Variants in ICA1 observed in about 807,000 individuals in gnomAD.
ICA1 encodes 69 kDa islet cell autoantigen.
ICA1 carries 40 observed loss-of-function variants against 71.0 expected under a neutral mutation model. That is an observed-to-expected ratio of 0.56 (90% CI 0.44 to 0.73). The LOEUF is 0.73. Among genes scored for constraint, ICA1 ranks in the 30% least tolerant of loss-of-function variants. ICA1 has a pLI of 0.00. For synonymous variants in ICA1, 207 were observed against 209.5 expected, an observed-to-expected ratio of 0.99 and a Z score of 0.10; for missense variants, 578 against 576.5, an observed-to-expected ratio of 1.00 and a Z score of -0.03.
rs544673774 is a variant in ICA1 at position 8,242,092 on chromosome 7, C to T, written c.-79-6087G>A. On this transcript the variant is annotated intron_variant, in intron 1 of 13. Coordinates refer to ENST00000402384, the MANE Select transcript of ICA1 (RefSeq NM_001136020.3). ...TAATAGACATCTACAGAACTCTCCA[C>T]CCCAAATCAACAGAATATACATTCT... 2.8e-4 allele frequency among the ~76,000 whole-genome samples: 42 copies of T among 152,304 alleles called. No homozygotes were observed. In the South Asian group the frequency reaches 8.3e-3, roughly 30 times the overall value.
intron 6 of ICA1, among the ~76,000 whole-genome samples, chr7:8,169,316 T>A (rs975407243): frequency 6.6e-6 from 1 of 152,148 alleles, no homozygotes; most frequent in African/African-American, 2.4e-5. Context: ...GTAAAGCTGT[T>A]ATAAATATTT....
chr7:8,201,538 C>T (rs957856647), intron 6 of ICA1, among the ~76,000 whole-genome samples: 5 of 152,120 alleles, frequency 3.3e-5, no homozygotes, highest in African/African-American at 9.7e-5. Context: ...GCTGCCCCAC[C>T]GCCTGTTTGG....
At position 8,141,362 on chromosome 7, in the gene ICA1, C is replaced by A. The variant is rs147479161; in HGVS notation, c.955+403G>T. 1.6e-4 allele frequency among the ~76,000 whole-genome samples: 25 copies of A among 152,352 alleles called. No individual in the cohort carries two copies. In the East Asian group the frequency reaches 4.6e-3, roughly 28 times the overall value. On this transcript the variant is annotated intron_variant, in intron 10 of 13. Coordinates refer to ENST00000402384, the MANE Select transcript of ICA1 (RefSeq NM_001136020.3). ...ATCTGTTTCCAACATTGACAAACAT[C>A]CACCCGCCCCACACATACCGCAAAT...
chr7:8,157,235 GC>G (rs1350745798), intron 7 of ICA1, 21 bp from the exon 8 acceptor site: 1 of 1,576,786 alleles, frequency 6.3e-7, no homozygotes, highest in East Asian at 2.2e-5. Flanking sequence ...AGACAGTAAA[GC>G]TATTAATGTT....
intron 12 of ICA1, among the ~76,000 whole-genome samples, chr7:8,129,455 G>T (rs749105765): frequency 3.9e-5 from 6 of 152,090 alleles, no homozygotes; most frequent in African/African-American, 1.4e-4. Flanking sequence ...AAAGATGAAG[G>T]GGATTTCTGA....
rs1462448169 is a variant in ICA1 at position 8,173,659 on chromosome 7, T to C, written c.580-15007A>G. On this transcript the variant is annotated intron_variant, in intron 6 of 13. Transcript: ENST00000402384. The surrounding 1 kb of genome is among the most constrained non-coding windows in gnomAD (Gnocchi z 4.0). Reference sequence around the variant, plus strand: ...AAGAAGGAATATAATCTGTTTCCAGTAGCAGGCCTGTCTTTCCAAGGTACT... The same window carrying C: ...AAGAAGGAATATAATCTGTTTCCAGCAGCAGGCCTGTCTTTCCAAGGTACT... 6.6e-6 allele frequency among the ~76,000 whole-genome samples: 1 copy of C among 152,212 alleles called. No homozygotes were observed. Among genetic ancestry groups the C allele is most frequent in the Non-Finnish European group, 1.5e-5 (1 of 68,024 alleles).
At chr7:8,122,367 A>G (rs1217191662) in intron 13 of ICA1, among the ~76,000 whole-genome samples, 1 of 152,252 alleles carries the variant, frequency 6.6e-6, no homozygotes, top group Non-Finnish European at 1.5e-5. Context: ...AACAACTGCA[A>G]CAACTAAGCA....
chr7:8,134,051 T>C (rs921791174), intron 12 of ICA1, among the ~76,000 whole-genome samples: 1 of 152,114 alleles, frequency 6.6e-6, no homozygotes, highest in Non-Finnish European at 1.5e-5. Context: ...TCAGAACCTA[T>C]TAAGGATCTC....
rs891310982 is a variant in ICA1, at chr7:8,130,615, G to C, written c.1061-2473C>G. ...AAGTCAATGTGTAGACCCTGGAGGA[G>C]CAGATAATTTCAAATGCACCTTGGA... On this transcript the variant is annotated intron_variant, in intron 12 of 13. Transcript: ENST00000402384. This position sits in a 1 kb window ranked among gnomAD's most constrained non-coding sequence, Gnocchi z 4.2. Among the ~76,000 whole-genome samples, 1 of 152,078 alleles carries C rather than the reference G, an allele frequency of 6.6e-6. No homozygotes were observed. Among genetic ancestry groups the C allele is most frequent in the African/African-American group, 2.4e-5 (1 of 41,386 alleles).
chr7:8,135,938 GA>G (rs1338717905), intron 12 of ICA1, among the ~76,000 whole-genome samples: 9 of 152,058 alleles, frequency 5.9e-5, no homozygotes, highest in African/African-American at 2.2e-4. Context: ...CCAATTTTGG[GA>G]AACACAAAGA....
chr7:8,134,459 C>T (rs780616709), intron 12 of ICA1, among the ~76,000 whole-genome samples: 3 of 152,132 alleles, frequency 2.0e-5, no homozygotes, highest in Non-Finnish European at 4.4e-5. Flanking sequence ...AAAACGAGAG[C>T]ACAGAAAAGC....
chr7:8,136,790 G>A (rs1320771885), intron 12 of ICA1, among the ~76,000 whole-genome samples: 1 of 152,204 alleles, frequency 6.6e-6, no homozygotes, highest in Non-Finnish European at 1.5e-5. Flanking sequence ...AAAAAAGGGG[G>A]TATGGACTGC....
At position 8,123,534 on chromosome 7, in the gene ICA1, G is replaced by A. The variant is rs1005851916; in HGVS notation, c.1330+4339C>T. On this transcript the variant is annotated intron_variant, in intron 13 of 13. Transcript: ENST00000402384. This position sits in a 1 kb window ranked among gnomAD's most constrained non-coding sequence, Gnocchi z 4.1. ...GGAAAACCTGAGATGCAGCAGGAGT[G>A]TGCCAGAGCGAATGTAGCTGCTGGC... Among the ~76,000 whole-genome samples the A allele has an allele frequency of 1.3e-5, 2 of 152,214 alleles. No individual in the cohort carries two copies. The highest frequency in any genetic ancestry group is 2.4e-5 in the African/African-American group (1 of 41,448).
chr7:8,171,088 T>C (rs554591861), intron 6 of ICA1, among the ~76,000 whole-genome samples: 1 of 152,068 alleles, frequency 6.6e-6, no homozygotes, highest in East Asian at 1.9e-4. Context: ...ATGAAGGACA[T>C]TAGCTTGTAG....
At chr7:8,232,034 T>G (rs1800425772) in intron 3 of ICA1, among the ~76,000 whole-genome samples, 1 of 152,214 alleles carries the variant, frequency 6.6e-6, no homozygotes, top group Non-Finnish European at 1.5e-5. Context: ...TAATCTAAAC[T>G]ATTGGCAGAA....
chr7:8,260,377 C>A (rs1440909316), intron 1 of ICA1, among the ~76,000 whole-genome samples: 1 of 152,090 alleles, frequency 6.6e-6, no homozygotes, highest in Non-Finnish European at 1.5e-5. Context: ...TCAGGTGTTC[C>A]AAATGGGGGA....
At chr7:8,204,649 A>G (rs1790880891) in intron 6 of ICA1, among the ~76,000 whole-genome samples, 1 of 152,230 alleles carries the variant, frequency 6.6e-6, no homozygotes, top group Non-Finnish European at 1.5e-5. Flanking sequence ...TGGAGTTTAA[A>G]TATCTGCTGT....
chr7:8,219,651 T>C (rs942807776), intron 5 of ICA1, among the ~76,000 whole-genome samples: 1 of 152,264 alleles, frequency 6.6e-6, no homozygotes, highest in Admixed American at 6.5e-5. Flanking sequence ...TGTTGTGCCA[T>C]AAAGTAAGCT....
chr7:8,229,922 G>A (rs531931838), intron 3 of ICA1, among the ~76,000 whole-genome samples: 1 of 152,288 alleles, frequency 6.6e-6, no homozygotes, highest in African/African-American at 2.4e-5. Flanking sequence ...CCTGAATATA[G>A]GAGCAAGGAC....
Sources: gnomAD v4.1 joint callset for allele counts (sites outside exome capture counted in the v4.1 genomes callset) on GRCh38, gnomAD v4.1.1 for gene constraint, Gnocchi (gnomAD v3.1) non-coding constraint, MANE v1.5 for transcripts, NCBI Gene and HGNC (gene_info 2026-07-23, HGNC 2026-07-21) for gene names.